The following RABGAP1L variants were observed in gnomAD, a reference collection of about 807,000 sequenced individuals.
The protein encoded by RABGAP1L is RAB GTPase activating protein 1 like, also known as rab GTPase-activating protein 1-like.
In RABGAP1L, 63 loss-of-function variants were observed where a neutral mutation model predicts 137.7. The observed-to-expected ratio is 0.46, with a 90% CI of 0.37 to 0.56. The LOEUF (loss-of-function observed/expected upper bound fraction) is 0.56, where lower values mean the gene tolerates loss of function less well. RABGAP1L is among the 20% of genes least tolerant of loss of function. RABGAP1L has a pLI of 0.00. For missense variants in RABGAP1L, 1,095 were observed against 1,244.0 expected (o/e 0.88, Z 1.80); for synonymous variants, 431 against 433.7 (o/e 0.99, Z 0.08).
chr1:174,522,619 G>A (rs1663520771), intron 13 of RABGAP1L, among the ~76,000 whole-genome samples: 1 of 152,180 alleles, frequency 6.6e-6, no homozygotes, highest in African/African-American at 2.4e-5. Context: ...CTGAGGCTGT[G>A]TAATTTATAA....
chr1:174,454,439 A>C (rs532131908), intron 13 of RABGAP1L, among the ~76,000 whole-genome samples: 13 of 152,172 alleles, frequency 8.5e-5, no homozygotes, highest in Admixed American at 2.6e-4. Flanking sequence ...TTTACAATAA[A>C]CTTGACAACC....
At chr1:174,904,204 C>T (rs1658646039) in intron 19 of RABGAP1L, among the ~76,000 whole-genome samples, 2 of 152,050 alleles carry the variant, frequency 1.3e-5, no homozygotes, top group African/African-American at 4.8e-5. Context: ...AGAGTTTCTA[C>T]ACTAGAAAAA....
chr1:174,172,176 T>TTGTGTGTGTGTGTGTGTG (rs34345014), intron 1 of RABGAP1L, among the ~76,000 whole-genome samples: 3 of 123,582 alleles, frequency 2.4e-5, no homozygotes, highest in African/African-American at 9.2e-5. Context: ...TAATATTCCC[T>TTGTGTGTGTGTGTGTGTG]TGTGTGTGTG....
chr1:174,977,746 C>A (rs79518326), intron 22 of RABGAP1L, among the ~76,000 whole-genome samples: 2,982 of 152,240 alleles, frequency 0.02, 49 homozygotes, highest in Middle Eastern at 0.078. Flanking sequence ...ATCTATGGGG[C>A]CTTATCGTGG....
At chr1:174,812,314 GC>G (rs1292906152) in intron 19 of RABGAP1L, among the ~76,000 whole-genome samples, 1 of 152,204 alleles carries the variant, frequency 6.6e-6, no homozygotes, top group East Asian at 1.9e-4. Flanking sequence ...AGAAAAGCTT[GC>G]TTAGGCAATG....
At position 174,747,212 on chromosome 1, in the gene RABGAP1L, G is replaced by A. The variant is rs569780351; in HGVS notation, c.2170-5101G>A. Reference sequence around the variant, plus strand: ...GAGCCCAGGAATTGGAGACCAGCTTGGGCAACATAGGGATACCTCATCTCT... The same window carrying A: ...GAGCCCAGGAATTGGAGACCAGCTTAGGCAACATAGGGATACCTCATCTCT... On this transcript the variant is annotated intron_variant, in intron 17 of 25. Transcript: ENST00000681986. 3.9e-5 allele frequency among the ~76,000 whole-genome samples: 6 copies of A among 152,074 alleles called. No homozygotes were observed. In the South Asian group the frequency reaches 1.2e-3, roughly 32 times the overall value.
intron 7 of RABGAP1L, among the ~76,000 whole-genome samples, chr1:174,266,841 A>G (rs1674113189): frequency 6.6e-6 from 1 of 152,236 alleles, no homozygotes; most frequent in Non-Finnish European, 1.5e-5. Context: ...ATGAAAAGTC[A>G]TAATGCTGAA....
chr1:174,700,026 G>A lies in RABGAP1L; in HGVS notation c.2025+376G>A, dbSNP rs150384671. On this transcript the variant is annotated intron_variant, in intron 16 of 25. Coordinates refer to ENST00000681986, the MANE Select transcript of RABGAP1L (RefSeq NM_001366446.1). ...GCACCACTTCCTTATTTGAGTCCAC[G>A]TAGAACACTTGGAAAAGCCAGAAAG... is the stretch of plus-strand genomic sequence containing the variant. Among the ~76,000 whole-genome samples, 1,095 of 152,158 alleles carry A rather than the reference G, an allele frequency of 7.2e-3. 10 individuals carry two copies. The highest frequency in any genetic ancestry group is 0.012 in the Non-Finnish European group (797 of 67,986).
At chr1:174,862,573 C>T (rs1431300609) in intron 19 of RABGAP1L, among the ~76,000 whole-genome samples, 4 of 152,224 alleles carry the variant, frequency 2.6e-5, no homozygotes, top group Middle Eastern at 3.4e-3. Context: ...TAGTAGAAAA[C>T]GAAATGCATA....
intron 17 of RABGAP1L, among the ~76,000 whole-genome samples, chr1:174,713,017 C>G (rs1386794983): frequency 6.6e-6 from 1 of 152,198 alleles, no homozygotes; most frequent in Admixed American, 6.5e-5. Context: ...ACAGAAATGC[C>G]TCTCCTGATT....
At chr1:174,534,835 C>CTTGTACAT in intron 13 of RABGAP1L, among the ~76,000 whole-genome samples, 1 of 144,044 alleles carries the variant, frequency 6.9e-6, no homozygotes, top group Non-Finnish European at 1.5e-5. Flanking sequence ...TATCACTAAT[C>CTTGTACAT]TTGTACATTG....
intron 13 of RABGAP1L, among the ~76,000 whole-genome samples, chr1:174,580,929 A>C (rs951143238): frequency 2.6e-5 from 4 of 152,340 alleles, no homozygotes; most frequent in Middle Eastern, 3.4e-3. Context: ...ACATGAAAAG[A>C]TGCTTAACAC....
chr1:174,951,832 A>T (rs1007341696), intron 19 of RABGAP1L, among the ~76,000 whole-genome samples: 4 of 152,170 alleles, frequency 2.6e-5, no homozygotes, highest in African/African-American at 9.7e-5. Context: ...ATTCCACCCA[A>T]AATGCCAATA....
intron 13 of RABGAP1L, among the ~76,000 whole-genome samples, chr1:174,619,873 G>A (rs1469356644): frequency 6.6e-6 from 1 of 152,158 alleles, no homozygotes; most frequent in African/African-American, 2.4e-5. Flanking sequence ...GGACCCATCA[G>A]TGTGCTGTAT....
chr1:174,403,251 A>G (rs80023611), intron 13 of RABGAP1L, among the ~76,000 whole-genome samples: 22,316 of 93,990 alleles, frequency 0.24, 2,745 homozygotes, highest in African/African-American at 0.5. Context: ...GTGTGTGTAT[A>G]TATATGTGTA....
intron 19 of RABGAP1L, among the ~76,000 whole-genome samples, chr1:174,907,463 C>T (rs1659283431): frequency 2.6e-5 from 4 of 151,968 alleles, no homozygotes; most frequent in Non-Finnish European, 2.9e-5. Flanking sequence ...CAGGTGTGTG[C>T]CACCACACCT....
intron 5 of RABGAP1L, 144 bp from the exon 6 acceptor site, chr1:174,250,331 T>C: frequency 3.8e-6 from 2 of 524,232 alleles, no homozygotes; most frequent in Non-Finnish European, 6.2e-6. Flanking sequence ...TAAACAATGA[T>C]AAATACTTAG....
intron 15 of RABGAP1L, among the ~76,000 whole-genome samples, chr1:174,686,901 C>T (rs1473508455): frequency 6.6e-6 from 1 of 151,678 alleles, no homozygotes; most frequent in Non-Finnish European, 1.5e-5. Flanking sequence ...CCTGGTGATC[C>T]TCCCACCTTA....
chr1:174,357,932 G>A (rs546759789), intron 11 of RABGAP1L, among the ~76,000 whole-genome samples: 20 of 152,156 alleles, frequency 1.3e-4, no homozygotes, highest in Non-Finnish European at 2.2e-4. Flanking sequence ...ATAGTAACTT[G>A]CTTATTTCTT....
Sources: allele counts gnomAD v4.1 joint callset (sites outside exome capture counted in the v4.1 genomes callset), GRCh38; gene constraint gnomAD v4.1.1; transcripts MANE v1.5; gene names NCBI Gene and HGNC (gene_info 2026-07-23, HGNC 2026-07-21).